Variants in MAOA observed in about 807,000 individuals in gnomAD.
MAOA encodes the protein amine oxidase [flavin-containing] A.
A neutral mutation model predicts 42.0 loss-of-function variants in MAOA; 6 were observed. The observed-to-expected ratio is 0.14, with a 90% confidence interval of 0.08 to 0.28. The LOEUF (loss-of-function observed/expected upper bound fraction) is 0.28. Among genes scored for constraint, MAOA ranks in the 10% least tolerant of loss-of-function variants. The probability of loss-of-function intolerance (pLI) is 1.00; values close to 1 mark genes in which losing one functional copy is unlikely to be tolerated. For synonymous variants in MAOA, 140 were observed against 154.0 expected (o/e 0.91, Z 0.67); for missense variants, 262 against 422.3 (o/e 0.62, Z 3.33).
At chrX:43,685,325 C>T (rs917388142) in intron 2 of MAOA, among the ~76,000 whole-genome samples, 1 of 111,770 alleles carries the variant, frequency 8.9e-6, no homozygotes, top group Admixed American at 9.5e-5. Context: ...TTTTCCTTCG[C>T]CAAAAGACCC....
chrX:43,656,124 C>T, upstream of MAOA: 2 of 433,679 alleles, frequency 4.6e-6, no homozygotes, highest in Non-Finnish European at 4.0e-6. Flanking sequence ...GTGCCCAGCT[C>T]CCCCCGGGTA....
At chrX:43,728,892 A>G (rs1357619211) in intron 6 of MAOA, among the ~76,000 whole-genome samples, 1 of 113,140 alleles carries the variant, frequency 8.8e-6, no homozygotes, top group East Asian at 2.8e-4. Flanking sequence ...CATTTCGTTC[A>G]TTGGCTGGAC....
intron 2 of MAOA, among the ~76,000 whole-genome samples, chrX:43,686,097 A>G (rs772722905): frequency 8.9e-6 from 1 of 112,404 alleles, no homozygotes; most frequent in Non-Finnish European, 1.9e-5. Flanking sequence ...TTCTGCCTGT[A>G]TGCCTTTATT....
intron 3 of MAOA, among the ~76,000 whole-genome samples, chrX:43,703,419 G>T (rs1427442731): frequency 8.9e-6 from 1 of 112,207 alleles, no homozygotes; most frequent in East Asian, 2.8e-4. Context: ...TGCAATTTTA[G>T]CTAGATATAC....
intron 3 of MAOA, among the ~76,000 whole-genome samples, chrX:43,711,157 T>TA (rs1158638310): frequency 2.5e-3 from 255 of 101,528 alleles, no homozygotes; most frequent in Middle Eastern, 5.1e-3. Context: ...GGTGTAGAGA[T>TA]AAAAAAAAAA....
At chrX:43,705,003 T>G (rs1368849478) in intron 3 of MAOA, among the ~76,000 whole-genome samples, 2 of 112,187 alleles carry the variant, frequency 1.8e-5, no homozygotes, top group African/African-American at 6.5e-5. Flanking sequence ...GGACTTAATA[T>G]TGTTAGGGTG....
chrX:43,741,857 A>G, intron 11 of MAOA, 93 bp from the exon 12 acceptor site: 1 of 1,167,455 alleles, frequency 8.6e-7, no homozygotes, highest in Non-Finnish European at 1.1e-6. Flanking sequence ...TTATTTTCTT[A>G]ATGTAAACTT....
Position 43,703,558 on chromosome X carries a change from A to G in MAOA, c.307-8314A>G, listed in dbSNP as rs180985458. The stretch of plus-strand genomic sequence containing the variant: ...AAACATTCTGGTTGTCACAGCTTCT[A>G]TTTCATCGCATATTTTCCTGTGTTA... On this transcript the variant is annotated intron_variant, in intron 3 of 14. Coordinates refer to ENST00000338702, the MANE Select transcript of MAOA (RefSeq NM_000240.4). Among the ~76,000 whole-genome samples the G allele has an allele frequency of 1.9e-4, 21 of 112,248 alleles. 1 individual carries two copies. The East Asian group carries it at 5.3e-3, about 28-fold the overall frequency.
chrX:43,656,132 G>C (rs1234411591), upstream of MAOA: 2 of 439,503 alleles, frequency 4.6e-6, no homozygotes, highest in East Asian at 7.6e-5. Flanking sequence ...CTCCCCCCGG[G>C]TATCAGCTGA....
intron 5 of MAOA, among the ~76,000 whole-genome samples, chrX:43,726,209 A>G (rs1272919896): frequency 9.0e-6 from 1 of 111,537 alleles, no homozygotes; most frequent in Non-Finnish European, 1.9e-5. Flanking sequence ...CTGAATTTGA[A>G]TGTTGGCCTG....
At chrX:43,742,328 C>T (rs1224403045) in intron 12 of MAOA, among the ~76,000 whole-genome samples, 2 of 112,322 alleles carry the variant, frequency 1.8e-5, no homozygotes, top group African/African-American at 3.2e-5. Flanking sequence ...AAGGGGACTT[C>T]GTGAGCTCAA....
chrX:43,740,536 C>A, intron 10 of MAOA, 145 bp from the exon 11 acceptor site: 1 of 415,352 alleles, frequency 2.4e-6, no homozygotes, highest in Non-Finnish European at 3.9e-6. Context: ...TTCATTTGTG[C>A]AGTTACAGAA....
chrX:43,713,852 G>A (rs772265176), intron 5 of MAOA, among the ~76,000 whole-genome samples: 21 of 111,811 alleles, frequency 1.9e-4, no homozygotes, highest in African/African-American at 6.8e-4. Flanking sequence ...GGGCAGGGGG[G>A]AGTCAGAAAA....
Position 43,670,693 on chromosome X carries a change from C to T in MAOA, c.74-12820C>T, listed in dbSNP as rs771368506. Among the ~76,000 whole-genome samples the T allele has an allele frequency of 1.3e-3, 127 of 101,222 alleles. 1 individual carries two copies. Among genetic ancestry groups the T allele is most frequent in the Middle Eastern group, 4.9e-3 (1 of 203 alleles). 87.9% of individuals were successfully genotyped at this position (101,222 alleles called of 115,157 possible). On this transcript the variant is annotated intron_variant, in intron 1 of 14. Coordinates refer to ENST00000338702, the MANE Select transcript of MAOA (RefSeq NM_000240.4). ...ATTCACACCTATGAGTGAGAACATG[C>T]GGTGTTTGGTTTTTTGTCCTTGCGA...
intron 6 of MAOA, among the ~76,000 whole-genome samples, chrX:43,729,505 G>A (rs2033863618): frequency 8.9e-6 from 1 of 112,069 alleles, no homozygotes; most frequent in African/African-American, 3.3e-5. Context: ...GACAGAAACA[G>A]TTCGTGGTCT....
Position 43,693,294 on chromosome X carries a change from G to A in MAOA, c.172G>A (p.Glu58Lys), listed in dbSNP as rs759325782. ...VGGRTYTIRN[E>K]HVDYVDVGGA... is the part of the protein sequence containing the mutation. ...ACCAATTTTTCTCTTTTTGCAGAAT[G>A]AGCATGTTGATTACGTAGATGTTGG... The change falls in exon 3 of 15, where the codon GAG (glutamate) becomes AAG (lysine). Residue 58 changes from glutamate to lysine, a missense_variant. Physicochemically the swap from Glu to Lys is moderately conservative, Grantham distance 56 (BLOSUM62 1). Coordinates refer to ENST00000338702, the MANE Select transcript of MAOA (RefSeq NM_000240.4). 3 of 1,210,772 alleles carry A rather than the reference G, an allele frequency of 2.5e-6. No individual in the cohort carries two copies. Among genetic ancestry groups the A allele is most frequent in the East Asian group, 5.9e-5 (2 of 33,814 alleles).
chrX:43,676,443 C>G (rs182572584), intron 1 of MAOA, among the ~76,000 whole-genome samples: 1 of 110,809 alleles, frequency 9.0e-6, no homozygotes, highest in Non-Finnish European at 1.9e-5. Flanking sequence ...CACGGTGCAC[C>G]GCACCCACTG....
chrX:43,711,084 G>C (rs1490599285), intron 3 of MAOA, among the ~76,000 whole-genome samples: 1 of 111,681 alleles, frequency 9.0e-6, no homozygotes, highest in Non-Finnish European at 1.9e-5. Context: ...CTCTGAGAGT[G>C]TATGACTGGC....
intron 1 of MAOA, among the ~76,000 whole-genome samples, chrX:43,675,962 C>G (rs904237038): frequency 1.6e-4 from 18 of 112,116 alleles, no homozygotes; most frequent in Admixed American, 9.4e-5. Context: ...AGAACCCCTA[C>G]TCTCTTCAAA....
Sources: allele counts gnomAD v4.1 joint callset (sites outside exome capture counted in the v4.1 genomes callset), GRCh38; gene constraint gnomAD v4.1.1; transcripts MANE v1.5; gene names NCBI Gene and HGNC (gene_info 2026-07-23, HGNC 2026-07-21).